GRM3: variants seen among roughly 807,000 people sequenced by gnomAD.
GRM3 encodes glutamate metabotropic receptor 3, also known as metabotropic glutamate receptor 3.
Under a neutral mutation model 70.5 loss-of-function variants are expected in GRM3, and 26 were observed. The observed-to-expected ratio is 0.37, with a 90% CI of 0.27 to 0.51. The LOEUF (loss-of-function observed/expected upper bound fraction) is 0.51, where lower values mean the gene tolerates loss of function less well. GRM3 is among the 20% of genes least tolerant of loss of function. The pLI, the probability that GRM3 is intolerant of heterozygous loss-of-function variation, is 0.93. For missense variants in GRM3, 859 were observed against 1,123.8 expected, an observed-to-expected ratio of 0.76 and a Z score of 3.37; for synonymous variants, 443 against 434.9, an observed-to-expected ratio of 1.02 and a Z score of -0.23.
At chr7:86,748,929 A>G (rs1174800764) in intron 1 of GRM3, among the ~76,000 whole-genome samples, 1 of 152,116 alleles carries the variant, frequency 6.6e-6, no homozygotes, top group Non-Finnish European at 1.5e-5. Flanking sequence ...ACAGAGGTCC[A>G]GAGTAAGTGC....
intron 1 of GRM3, among the ~76,000 whole-genome samples, chr7:86,716,452 T>C (rs562830336): frequency 6.6e-5 from 10 of 151,978 alleles, no homozygotes; most frequent in Non-Finnish European, 1.5e-4. Flanking sequence ...TTTGTCCAAA[T>C]CAGGCACCTG....
intron 3 of GRM3, among the ~76,000 whole-genome samples, chr7:86,825,161 C>T (rs1798206040): frequency 6.6e-6 from 1 of 152,144 alleles, no homozygotes; most frequent in South Asian, 2.1e-4. Context: ...CTCTTTGTGT[C>T]CATGTGTACT....
chr7:86,691,995 G>T (rs1794707007), intron 1 of GRM3, among the ~76,000 whole-genome samples: 3 of 152,200 alleles, frequency 2.0e-5, no homozygotes, highest in Non-Finnish European at 2.9e-5. Context: ...TATCTTTTCT[G>T]CAAGTTAGAA....
At chr7:86,740,253 G>A (rs1220705397) in intron 1 of GRM3, among the ~76,000 whole-genome samples, 3 of 152,126 alleles carry the variant, frequency 2.0e-5, no homozygotes, top group East Asian at 3.9e-4. Flanking sequence ...CTATTCCATA[G>A]GCCCAACTTC....
intron 1 of GRM3, among the ~76,000 whole-genome samples, chr7:86,749,473 T>C (rs576736008): frequency 1.3e-5 from 2 of 152,182 alleles, no homozygotes; most frequent in East Asian, 1.9e-4. Flanking sequence ...AAATGTCCTG[T>C]GCTAAGCCAC....
In GRM3 at chr7:86,805,410, TGCTACA is replaced by T. The variant is rs1797769191; in HGVS notation, c.1324+18296_1324+18301del. Among the ~76,000 whole-genome samples, 6 of 152,344 alleles carry T rather than the reference TGCTACA, an allele frequency of 3.9e-5. No individual in the cohort carries two copies. In the South Asian group the frequency reaches 1.2e-3, roughly 32 times the overall value. Reference sequence around the variant, plus strand: ...AACATCCCAATCAGTGTGGTGCATTTGCTACAGTTAATGAACCAACATTGACACATC... The same window carrying T: ...AACATCCCAATCAGTGTGGTGCATTTGTTAATGAACCAACATTGACACATC... On this transcript the variant is annotated intron_variant, in intron 3 of 5. Transcript: ENST00000361669.
chr7:86,702,358 A>G (rs1380866081), intron 1 of GRM3, among the ~76,000 whole-genome samples: 2 of 152,004 alleles, frequency 1.3e-5, no homozygotes, highest in Non-Finnish European at 2.9e-5. Flanking sequence ...TCTTCTATGG[A>G]CAGAGTGAAC....
intron 1 of GRM3, among the ~76,000 whole-genome samples, chr7:86,645,353 T>G (rs1451908939): frequency 6.6e-6 from 1 of 151,998 alleles, no homozygotes; most frequent in African/African-American, 2.4e-5. Flanking sequence ...CCAGATAAGC[T>G]CCGAAGCCGG....
chr7:86,717,175 T>G (rs1795337242), intron 1 of GRM3, among the ~76,000 whole-genome samples: 1 of 151,994 alleles, frequency 6.6e-6, no homozygotes, highest in Non-Finnish European at 1.5e-5. Context: ...ATCACTGGAC[T>G]GTGCTAACTC....
intron 2 of GRM3, among the ~76,000 whole-genome samples, chr7:86,772,480 A>G (rs1198857883): frequency 6.6e-6 from 1 of 152,090 alleles, no homozygotes; most frequent in Non-Finnish European, 1.5e-5. Flanking sequence ...CACATGTGCC[A>G]CAGATGCTTT....
At chr7:86,792,142 G>C (rs1351887930) in intron 3 of GRM3, among the ~76,000 whole-genome samples, 1 of 152,196 alleles carries the variant, frequency 6.6e-6, no homozygotes, top group African/African-American at 2.4e-5. Context: ...TGTGTTCACA[G>C]TACAGTACAT....
chr7:86,807,993 T>C (rs368141149), intron 3 of GRM3, among the ~76,000 whole-genome samples: 2 of 152,296 alleles, frequency 1.3e-5, no homozygotes, highest in South Asian at 4.1e-4. Flanking sequence ...TCTGAATCTA[T>C]TGAGATAGTT....
chr7:86,771,894 C>T (rs928041740), intron 2 of GRM3, among the ~76,000 whole-genome samples: 1 of 152,038 alleles, frequency 6.6e-6, no homozygotes, highest in African/African-American at 2.4e-5. Flanking sequence ...AAGATGTCTG[C>T]ACAGTCTTTC....
intron 3 of GRM3, among the ~76,000 whole-genome samples, chr7:86,827,888 G>A (rs946003565): frequency 4.6e-5 from 7 of 151,962 alleles, no homozygotes; most frequent in African/African-American, 1.4e-4. Context: ...CAAGGCGGGC[G>A]GAACACAAGG....
At chr7:86,817,658 G>C (rs1372536997) in intron 3 of GRM3, among the ~76,000 whole-genome samples, 1 of 151,978 alleles carries the variant, frequency 6.6e-6, no homozygotes, top group African/African-American at 2.4e-5. Context: ...GGCTTGTCAA[G>C]TCTCAGCTGT....
chr7:86,767,518 TATATATATA>T lies in GRM3; in HGVS notation c.468+1906_468+1914del, dbSNP rs1303126775. Among the ~76,000 whole-genome samples the T allele has an allele frequency of 9.9e-4, 4 of 4,060 alleles. No homozygotes were observed. The African/African-American group carries it at 0.015, about 16-fold the overall frequency. The allele number at this position is 4,060 out of a possible 152,430, so 2.7% of individuals were successfully genotyped here. On this transcript the variant is annotated intron_variant, in intron 2 of 5. Transcript: ENST00000361669. ...GAAAGAGTATCGGTCATACTTCATA[TATATATATA>T]TATATATATATATATATATATATAT...
At chr7:86,663,622 G>C (rs1304414289) in intron 1 of GRM3, among the ~76,000 whole-genome samples, 3 of 151,554 alleles carry the variant, frequency 2.0e-5, no homozygotes, top group Non-Finnish European at 4.4e-5. Flanking sequence ...TCTTTTTTTT[G>C]TTGTTGTTGG....
chr7:86,671,756 A>G (rs1794178793), intron 1 of GRM3, among the ~76,000 whole-genome samples: 1 of 152,208 alleles, frequency 6.6e-6, no homozygotes, highest in African/African-American at 2.4e-5. Flanking sequence ...TCAGATAATT[A>G]GTCCTGCTTT....
chr7:86,805,105 C>A (rs1023398297), intron 3 of GRM3, among the ~76,000 whole-genome samples: 2 of 151,978 alleles, frequency 1.3e-5, no homozygotes, highest in South Asian at 4.1e-4. Flanking sequence ...CAGAGTGAGA[C>A]CTTATCTCCA....
Sources: allele counts gnomAD v4.1 joint callset (sites outside exome capture counted in the v4.1 genomes callset), GRCh38; gene constraint gnomAD v4.1.1; transcripts MANE v1.5; gene names NCBI Gene and HGNC (gene_info 2026-07-23, HGNC 2026-07-21).